CX3CR1: variants seen among roughly 807,000 people sequenced by gnomAD.
The protein encoded by CX3CR1 is C-X3-C motif chemokine receptor 1.
For missense variants in CX3CR1, 363 were observed against 432.4 expected (o/e 0.84, Z 1.42); for synonymous variants, 168 against 178.5 (o/e 0.94, Z 0.47).
At chr3:39,277,194 C>A (rs529043610) in intron 1 of CX3CR1, among the ~76,000 whole-genome samples, 1 of 152,266 alleles carries the variant, frequency 6.6e-6, no homozygotes, top group Admixed American at 6.5e-5. Context: ...TGCACTTTGG[C>A]CAAACAAGAT....
chr3:39,265,300 A>G lies in CX3CR1; in HGVS notation c.*142T>C, dbSNP rs916852030. On this transcript the variant is annotated 3_prime_UTR_variant, in exon 2 of 2. Coordinates refer to ENST00000399220, the MANE Select transcript of CX3CR1 (RefSeq NM_001337.4). ...CTTCAAATTTTGAGCACAATTCTCA[A>G]CAACACTCTAGGGTTGTTTTGTGTG... is the stretch of plus-strand genomic sequence containing the variant. 3 of 797,860 alleles carry G rather than the reference A, an allele frequency of 3.8e-6. No homozygotes were observed. The highest frequency in any genetic ancestry group is 3.4e-5 in the African/African-American group (2 of 58,162). 49.4% of individuals were successfully genotyped at this position (797,860 alleles called of 1,614,324 possible).
the CX3CR1 span, chr3:39,287,265 A>C: frequency 6.6e-6 from 1 of 152,108 alleles, no homozygotes; most frequent in Admixed American, 6.6e-5. Flanking sequence ...TCACACTCAC[A>C]GTTTTATCTA....
upstream of CX3CR1, chr3:39,281,574 C>A (rs761128529): frequency 6.4e-7 from 1 of 1,574,604 alleles, no homozygotes; most frequent in South Asian, 1.1e-5. Flanking sequence ...CCCATCTAAC[C>A]TTCTCCGTTC....
At chr3:39,287,754 A>G in the CX3CR1 span, 1 of 152,250 alleles carries the variant, frequency 6.6e-6, no homozygotes, top group African/African-American at 2.4e-5. Context: ...TTTTACCCAC[A>G]TGCAAAAGAG....
chr3:39,282,466 A>G (rs2040912125), upstream of CX3CR1, among the ~76,000 whole-genome samples: 2 of 152,246 alleles, frequency 1.3e-5, no homozygotes, highest in Admixed American at 1.3e-4. Context: ...CAGTTGAGAC[A>G]GTAAATGCAG....
In CX3CR1 at chr3:39,266,436, T is replaced by C. The variant is rs139019894; in HGVS notation, c.74A>G (p.Asp25Gly). 2,810 of 1,614,150 alleles carry C rather than the reference T, an allele frequency of 1.7e-3. 9 individuals are homozygous for C. The highest frequency in any genetic ancestry group is 5.9e-3 in the Middle Eastern group (36 of 6,062). The change falls in exon 2 of 2, where the codon GAC becomes GGC. Residue 25 changes from aspartate to glycine, a missense_variant. By Grantham distance (94) the Asp-to-Gly change is moderately conservative. Transcript: ENST00000399220. ...GAACACAGTCCCAAAGACCACGATG[T>C]CCCCAATATAACAGGCCTCAGCCAA... ...DDLAEACYIG[D>G]IVVFGTVFLS... is the part of the protein sequence containing the mutation.
chr3:39,276,867 A>G (rs1023128083), intron 1 of CX3CR1, among the ~76,000 whole-genome samples: 6 of 152,342 alleles, frequency 3.9e-5, no homozygotes, highest in African/African-American at 1.4e-4. Flanking sequence ...CAAGGAAGTG[A>G]TCACCATAGA....
intron 1 of CX3CR1, 198 bp from the exon 2 acceptor site, chr3:39,266,716 CA>C (rs1324629718): frequency 9.2e-6 from 7 of 761,728 alleles, no homozygotes; most frequent in Non-Finnish European, 1.7e-5. Context: ...ACTCTTCTGA[CA>C]GGAGAGGCGG....
At chr3:39,272,247 C>G (rs1306077646) in intron 1 of CX3CR1, among the ~76,000 whole-genome samples, 1 of 152,242 alleles carries the variant, frequency 6.6e-6, no homozygotes, top group East Asian at 1.9e-4. Flanking sequence ...GGCCTCCTTA[C>G]CCACTATTCA....
At chr3:39,270,900 C>T (rs1333711374) in intron 1 of CX3CR1, among the ~76,000 whole-genome samples, 1 of 152,078 alleles carries the variant, frequency 6.6e-6, no homozygotes, top group African/African-American at 2.4e-5. Flanking sequence ...GCATGCTGCA[C>T]ATAATAAGTG....
the CX3CR1 span, chr3:39,287,742 A>G: frequency 6.6e-6 from 1 of 152,216 alleles, no homozygotes; most frequent in African/African-American, 2.4e-5. Flanking sequence ...ATGTTGAGTT[A>G]ATTTTACCCA....
intron 1 of CX3CR1, among the ~76,000 whole-genome samples, chr3:39,268,539 G>C: frequency 6.6e-6 from 1 of 152,106 alleles, no homozygotes; most frequent in Admixed American, 6.5e-5. Context: ...TCTATGTTAG[G>C]GACCCTGGAG....
At chr3:39,282,975 T>C (rs1178776314), upstream of CX3CR1, among the ~76,000 whole-genome samples, 3 of 152,180 alleles carry the variant, frequency 2.0e-5, no homozygotes, top group African/African-American at 7.2e-5. Context: ...CACTGCATCC[T>C]TGATCTCCTG....
At chr3:39,268,505 A>T (rs1460490239) in intron 1 of CX3CR1, among the ~76,000 whole-genome samples, 1 of 152,190 alleles carries the variant, frequency 6.6e-6, no homozygotes, top group Non-Finnish European at 1.5e-5. Context: ...CTGTATGAGT[A>T]AAAATAGTCA....
At chr3:39,290,618 C>G in the CX3CR1 span, among the ~76,000 whole-genome samples, 197 of 152,228 alleles carry the variant, frequency 1.3e-3, no homozygotes, top group African/African-American at 4.5e-3. Context: ...AAGAATATAG[C>G]TACAGATAAA....
At chr3:39,283,817 ATATATATATATATATATATATATAAT>A (rs2040926681), upstream of CX3CR1, among the ~76,000 whole-genome samples, 1 of 69,636 alleles carries the variant, frequency 1.4e-5, no homozygotes, top group Non-Finnish European at 3.0e-5. Flanking sequence ...ATATATATAT[ATATATATATATATATATATATATAAT>A]GTGGTTAATA....
At chr3:39,280,689 C>A (rs1162891386), upstream of CX3CR1, among the ~76,000 whole-genome samples, 12 of 152,198 alleles carry the variant, frequency 7.9e-5, no homozygotes, top group Admixed American at 7.8e-4. Context: ...AGGCTGAGGA[C>A]ACAGCTTTCA....
chr3:39,268,501 G>A (rs2040731643), intron 1 of CX3CR1, among the ~76,000 whole-genome samples: 1 of 152,208 alleles, frequency 6.6e-6, no homozygotes, highest in Admixed American at 6.5e-5. Flanking sequence ...GCTGCTGTAT[G>A]AGTAAAAATA....
At chr3:39,271,596 T>C (rs2040777712) in intron 1 of CX3CR1, among the ~76,000 whole-genome samples, 2 of 152,202 alleles carry the variant, frequency 1.3e-5, no homozygotes, top group Non-Finnish European at 2.9e-5. Context: ...ATTGCAGCTC[T>C]GTCTTCTGTG....
Sources: gnomAD v4.1 joint callset for allele counts (sites outside exome capture counted in the v4.1 genomes callset) on GRCh38, gnomAD v4.1.1 for gene constraint, MANE v1.5 for transcripts, NCBI Gene and HGNC (gene_info 2026-07-23, HGNC 2026-07-21) for gene names.